The following ITGB8 variants were observed in gnomAD, a reference collection of about 807,000 sequenced individuals.
The protein encoded by ITGB8 is integrin beta-8.
Under a neutral mutation model 89.5 loss-of-function variants are expected in ITGB8, and 30 were observed. That is an observed-to-expected ratio of 0.34 (90% CI 0.25 to 0.45). The LOEUF is 0.45. ITGB8 is among the 20% of genes least tolerant of loss of function. ITGB8 has a pLI of 1.00. For missense variants in ITGB8, 836 were observed against 933.3 expected, an observed-to-expected ratio of 0.90 and a Z score of 1.36; for synonymous variants, 335 against 320.4, an observed-to-expected ratio of 1.05 and a Z score of -0.49.
intron 7 of ITGB8, among the ~76,000 whole-genome samples, chr7:20,391,726 T>C (rs1562692370): frequency 6.6e-6 from 1 of 152,208 alleles, no homozygotes; most frequent in Non-Finnish European, 1.5e-5. Flanking sequence ...CTGAGAATTG[T>C]ATTGGATACA....
intron 6 of ITGB8, among the ~76,000 whole-genome samples, chr7:20,384,978 A>C (rs955849156): frequency 3.9e-5 from 6 of 152,238 alleles, no homozygotes; most frequent in Non-Finnish European, 7.3e-5. Context: ...TCCAGTGATA[A>C]TGACAATTTG....
chr7:20,339,755 C>T (rs1318509002), intron 1 of ITGB8, among the ~76,000 whole-genome samples: 3 of 152,174 alleles, frequency 2.0e-5, no homozygotes, highest in Admixed American at 6.5e-5. Context: ...AGGCCAGGCG[C>T]GGTGGCTCAC....
intron 1 of ITGB8, among the ~76,000 whole-genome samples, chr7:20,335,738 A>C (rs187889634): frequency 1.6e-4 from 24 of 152,262 alleles, no homozygotes; most frequent in Admixed American, 1.5e-3. Flanking sequence ...CCACTCTCTT[A>C]AGATCAGGGT....
intron 3 of ITGB8, among the ~76,000 whole-genome samples, chr7:20,367,970 GC>G (rs1785769278): frequency 6.6e-6 from 1 of 152,150 alleles, no homozygotes; most frequent in African/African-American, 2.4e-5. Flanking sequence ...GTAGTTTAAC[GC>G]AGTTCACAAT....
At chr7:20,385,153 C>T in intron 6 of ITGB8, among the ~76,000 whole-genome samples, 1 of 152,196 alleles carries the variant, frequency 6.6e-6, no homozygotes, top group East Asian at 1.9e-4. Context: ...TGTTCACCCA[C>T]CCCTTGGTGG....
Position 20,391,432 on chromosome 7 carries a change from G to A in ITGB8, c.990G>A (p.Glu330=). The change falls in exon 7 of 14, where the codon GAG becomes GAA. Residue 330 remains glutamate, a synonymous_variant. Coordinates refer to ENST00000222573, the MANE Select transcript of ITGB8 (RefSeq NM_002214.3). ...ACCCCTCACTAGGCCAACTTTCAGAGAAATTAATAGACAACAACATTAATG... is the reference window on the plus strand; with the variant it reads ...ACCCCTCACTAGGCCAACTTTCAGAAAAATTAATAGACAACAACATTAATG... ...MEHPSLGQLS[E]KLIDNNINVI... 6.2e-7 allele frequency: 1 copy of A among 1,601,908 alleles called. No individual in the cohort carries two copies. The highest frequency in any genetic ancestry group is 2.3e-5 in the East Asian group (1 of 44,358).
chr7:20,413,142 T>C lies in ITGB8; in HGVS notation c.*3145T>C, dbSNP rs1240850489. ...ATTTGTTATATTTTTGGAAACTTGC[T>C]AATATTTATTAAGTCATAGACTTTT... On this transcript the variant is annotated 3_prime_UTR_variant, in exon 14 of 14. Coordinates refer to ENST00000222573, the MANE Select transcript of ITGB8 (RefSeq NM_002214.3). 6.6e-6 allele frequency: 1 copy of C among 152,180 alleles called. No homozygotes were observed. The highest frequency in any genetic ancestry group is 1.5e-5 in the Non-Finnish European group (1 of 67,996). 9.4% of individuals were successfully genotyped at this position (152,180 alleles called of 1,614,324 possible).
intron 9 of ITGB8, among the ~76,000 whole-genome samples, chr7:20,400,664 T>C (rs1255383684): frequency 6.6e-6 from 1 of 152,162 alleles, no homozygotes; most frequent in Non-Finnish European, 1.5e-5. Flanking sequence ...ATTAAATCAA[T>C]TGTGTTGTGC....
chr7:20,347,304 G>T (rs1197116979), intron 1 of ITGB8, among the ~76,000 whole-genome samples: 1 of 152,172 alleles, frequency 6.6e-6, no homozygotes, highest in Admixed American at 6.6e-5. Context: ...TGACTTGATT[G>T]TTTAGTAGGG....
intron 8 of ITGB8, among the ~76,000 whole-genome samples, chr7:20,398,185 C>G (rs1787166552): frequency 6.6e-6 from 1 of 152,130 alleles, no homozygotes; most frequent in East Asian, 1.9e-4. Context: ...GAATGGTTTT[C>G]TGCCCAGTAA....
intron 1 of ITGB8, among the ~76,000 whole-genome samples, chr7:20,353,722 A>G (rs1195189876): frequency 2.7e-5 from 4 of 146,864 alleles, no homozygotes; most frequent in Non-Finnish European, 2.9e-5. Flanking sequence ...TCACGAGGTC[A>G]GGAGATCGAG....
In ITGB8 at chr7:20,398,887, G is replaced by T. The variant is rs759634590; in HGVS notation, c.1174G>T (p.Val392Leu). Residue 392 changes from valine (V) to leucine (L), a missense_variant, in exon 9 of 14, where the codon GTG (valine) becomes TTG (leucine). This residue lies in a region of ITGB8 where 192 missense variants were observed against 267.1 expected (regional missense o/e 0.72). Coordinates refer to ENST00000222573, the MANE Select transcript of ITGB8 (RefSeq NM_002214.3). ...QKLISEVKVQ[V>L]ENQVQGIYFN... ...GCTCATTTCAGAAGTGAAAGTTCAG[G>T]TGGAAAACCAGGTACAAGGCATCTA... 3 of 1,594,404 alleles carry T rather than the reference G, an allele frequency of 1.9e-6. No individual in the cohort carries two copies. The highest frequency in any genetic ancestry group is 2.6e-6 in the Non-Finnish European group (3 of 1,172,618).
At chr7:20,378,245 A>G (rs1786234317) in intron 3 of ITGB8, among the ~76,000 whole-genome samples, 1 of 152,122 alleles carries the variant, frequency 6.6e-6, no homozygotes. Flanking sequence ...GACTACCGAC[A>G]TTTGTCCTTG....
chr7:20,404,020 C>A (rs1304793981), intron 10 of ITGB8, among the ~76,000 whole-genome samples: 1 of 152,066 alleles, frequency 6.6e-6, no homozygotes, highest in African/African-American at 2.4e-5. Flanking sequence ...TTTCATTTAC[C>A]ATCTAAGAAC....
rs1228157455 is a variant in ITGB8, at chr7:20,404,786, G to A, written c.1846G>A (p.Asp616Asn). Reference sequence around the variant, plus strand: ...TGTGTGTGGAAGGTGTGAGTGCACCGATCCCAGGAGCATCGGCCGCTTCTG... The same window carrying A: ...TGTGTGTGGAAGGTGTGAGTGCACCAATCCCAGGAGCATCGGCCGCTTCTG... ...TCVCGRCECTDPRSIGRFCEH... is the reference protein window; with the variant it reads ...TCVCGRCECTNPRSIGRFCEH... Residue 616 changes from aspartate (D) to asparagine (N), a missense_variant, in exon 11 of 14, where the codon GAT becomes AAT. Physicochemically the swap from Asp to Asn is conservative, Grantham distance 23. Coordinates refer to ENST00000222573, the MANE Select transcript of ITGB8 (RefSeq NM_002214.3). The A allele has an allele frequency of 3.2e-5, 52 of 1,614,052 alleles. No individual in the cohort carries two copies. The highest frequency in any genetic ancestry group is 1.6e-4 in the Middle Eastern group (1 of 6,084).
intron 1 of ITGB8, among the ~76,000 whole-genome samples, chr7:20,358,043 G>T (rs2128134551): frequency 6.6e-6 from 1 of 152,266 alleles, no homozygotes; most frequent in East Asian, 1.9e-4. Flanking sequence ...TTGGCTCACT[G>T]CAACCTCCGC....
At chr7:20,346,159 C>T (rs1784915894) in intron 1 of ITGB8, among the ~76,000 whole-genome samples, 2 of 152,126 alleles carry the variant, frequency 1.3e-5, no homozygotes, top group South Asian at 2.1e-4. Flanking sequence ...GACACTTATA[C>T]ATCTCCAAGC....
intron 2 of ITGB8, chr7:20,364,932 A>C (rs1785636269): frequency 6.6e-6 from 1 of 152,190 alleles, no homozygotes; most frequent in African/African-American, 2.4e-5. Context: ...AAATCCTTAG[A>C]GCCCTGAAGT....
At chr7:20,405,912 C>T (rs921190769) in intron 11 of ITGB8, 150 bp from the exon 12 acceptor site, 3 of 558,832 alleles carry the variant, frequency 5.4e-6, no homozygotes, top group East Asian at 2.9e-5. Flanking sequence ...TGCAATCCTT[C>T]GATGTAATGA....
Sources: gnomAD v4.1 joint callset for allele counts (sites outside exome capture counted in the v4.1 genomes callset) on GRCh38, gnomAD v4.1.1 for gene constraint, gnomAD v4.1.1 regional missense constraint, MANE v1.5 for transcripts, NCBI Gene and HGNC (gene_info 2026-07-23, HGNC 2026-07-21) for gene names.